Variants in AGBL1 observed in about 807,000 individuals in gnomAD.
AGBL1 encodes the protein AGBL carboxypeptidase 1.
AGBL1 carries 130 observed loss-of-function variants against 118.9 expected under a neutral mutation model. That is an observed-to-expected ratio of 1.09 (90% CI 0.95 to 1.26). AGBL1 has a LOEUF of 1.26. Ranked by LOEUF, AGBL1 falls within the 50% of genes most tolerant of loss-of-function variation. The probability of loss-of-function intolerance (pLI) is 0.00; values close to 1 mark genes in which losing one functional copy is unlikely to be tolerated. For synonymous variants in AGBL1, 555 were observed against 478.9 expected (o/e 1.16, Z -2.08); for missense variants, 1,584 against 1,298.1 (o/e 1.22, Z -3.38).
intron 21 of AGBL1, among the ~76,000 whole-genome samples, chr15:86,601,132 A>T (rs2084486433): frequency 6.6e-6 from 1 of 152,136 alleles, no homozygotes; most frequent in South Asian, 2.1e-4. Flanking sequence ...AACAGTTGAC[A>T]GAGTTGTTTG....
intron 22 of AGBL1, among the ~76,000 whole-genome samples, chr15:86,804,539 T>G (rs943158592): frequency 6.6e-6 from 1 of 151,852 alleles, no homozygotes; most frequent in Non-Finnish European, 1.5e-5. Context: ...AAATGCAAAA[T>G]GGAAGGAAGC....
At chr15:86,439,326 T>TC (rs1238071362) in intron 18 of AGBL1, among the ~76,000 whole-genome samples, 3 of 152,130 alleles carry the variant, frequency 2.0e-5, no homozygotes, top group Non-Finnish European at 2.9e-5. Flanking sequence ...TAATTACATT[T>TC]CCCCCCACAT....
chr15:86,938,127 G>C (rs1490100975), intron 23 of AGBL1, among the ~76,000 whole-genome samples: 1 of 152,192 alleles, frequency 6.6e-6, no homozygotes, highest in Non-Finnish European at 1.5e-5. Flanking sequence ...AGACACTTCT[G>C]ATAAGTGTGG....
intron 22 of AGBL1, among the ~76,000 whole-genome samples, chr15:86,889,531 T>C (rs533656389): frequency 1.3e-5 from 2 of 152,274 alleles, no homozygotes; most frequent in Admixed American, 1.3e-4. Flanking sequence ...TTCTTCCTGA[T>C]GCTCTCCCTT....
At chr15:86,393,563 G>A (rs2081319007) in intron 17 of AGBL1, among the ~76,000 whole-genome samples, 2 of 152,178 alleles carry the variant, frequency 1.3e-5, no homozygotes, top group African/African-American at 2.4e-5. Context: ...TTATTGGCGT[G>A]CCAACACAGC....
At chr15:86,537,678 GA>G (rs1337294054) in intron 19 of AGBL1, among the ~76,000 whole-genome samples, 1 of 152,188 alleles carries the variant, frequency 6.6e-6, no homozygotes, top group Non-Finnish European at 1.5e-5. Flanking sequence ...GTCGTGTTTG[GA>G]AAACTTTTAG....
intron 22 of AGBL1, among the ~76,000 whole-genome samples, chr15:86,789,386 C>T (rs549355954): frequency 6.6e-6 from 1 of 152,206 alleles, no homozygotes; most frequent in Non-Finnish European, 1.5e-5. Context: ...AAATTCCCAT[C>T]ACCGCAGCTT....
At chr15:86,779,038 C>A (rs752790159) in intron 22 of AGBL1, among the ~76,000 whole-genome samples, 3 of 152,316 alleles carry the variant, frequency 2.0e-5, no homozygotes, top group Non-Finnish European at 4.4e-5. Context: ...CCTGACTTCC[C>A]GCAACAGCTA....
At chr15:86,248,365 C>T (rs368142295) in intron 7 of AGBL1, among the ~76,000 whole-genome samples, 83 of 152,276 alleles carry the variant, frequency 5.5e-4, no homozygotes, top group African/African-American at 1.9e-3. Flanking sequence ...TTGGTTCATT[C>T]ATATATACTT....
chr15:86,712,230 A>T (rs2086571976), intron 22 of AGBL1, among the ~76,000 whole-genome samples: 1 of 152,136 alleles, frequency 6.6e-6, no homozygotes, highest in Non-Finnish European at 1.5e-5. Context: ...TAGGGTAGAA[A>T]TAATTAAAAC....
chr15:86,347,243 A>G (rs1220512752), intron 17 of AGBL1, among the ~76,000 whole-genome samples: 1 of 152,252 alleles, frequency 6.6e-6, no homozygotes, highest in East Asian at 1.9e-4. Context: ...CATGAAGAGC[A>G]TTTTACAACA....
chr15:86,847,073 T>C (rs2079330001), intron 22 of AGBL1, among the ~76,000 whole-genome samples: 1 of 152,214 alleles, frequency 6.6e-6, no homozygotes. Flanking sequence ...AATAACATTT[T>C]ATTTTAGTTA....
chr15:86,483,037 G>C (rs966657088), intron 18 of AGBL1, among the ~76,000 whole-genome samples: 17 of 151,924 alleles, frequency 1.1e-4, no homozygotes, highest in Admixed American at 6.6e-4. Flanking sequence ...TATGCTGAGA[G>C]GGGTGGCTGA....
chr15:86,926,300 A>T (rs533488285), intron 23 of AGBL1, among the ~76,000 whole-genome samples: 1 of 152,192 alleles, frequency 6.6e-6, no homozygotes, highest in Non-Finnish European at 1.5e-5. Flanking sequence ...TCCTCACTAC[A>T]TAAATCTTTT....
intron 23 of AGBL1, among the ~76,000 whole-genome samples, chr15:86,975,184 A>G (rs2081161814): frequency 6.6e-6 from 1 of 151,894 alleles, no homozygotes; most frequent in South Asian, 2.1e-4. Flanking sequence ...GCTGCTAATA[A>G]TGACATACCG....
chr15:86,721,579 C>T (rs2086721959), intron 22 of AGBL1, among the ~76,000 whole-genome samples: 1 of 152,152 alleles, frequency 6.6e-6, no homozygotes. Flanking sequence ...GGAAGTATTC[C>T]CTTTGAAAAC....
chr15:86,757,714 T>C (rs1395561962), intron 22 of AGBL1, among the ~76,000 whole-genome samples: 1 of 152,112 alleles, frequency 6.6e-6, no homozygotes, highest in East Asian at 1.9e-4. Context: ...TTCTTTTAGT[T>C]CCTAGGAATT....
At chr15:86,337,409 T>C (rs2080389690) in intron 17 of AGBL1, among the ~76,000 whole-genome samples, 1 of 152,300 alleles carries the variant, frequency 6.6e-6, no homozygotes, top group Admixed American at 6.5e-5. Flanking sequence ...AGAATGTGTA[T>C]GTCCATTGCC....
chr15:86,582,839 C>T (rs1346841314), intron 21 of AGBL1, among the ~76,000 whole-genome samples: 2 of 139,438 alleles, frequency 1.4e-5, no homozygotes, highest in South Asian at 2.3e-4. Flanking sequence ...GGAAGGGGAA[C>T]ATCACACACC....
Sources: allele counts gnomAD v4.1 joint callset (sites outside exome capture counted in the v4.1 genomes callset), GRCh38; gene constraint gnomAD v4.1.1; transcripts MANE v1.5; gene names NCBI Gene and HGNC (gene_info 2026-07-23, HGNC 2026-07-21).